GOLM2: variants seen among roughly 807,000 people sequenced by gnomAD.
The protein encoded by GOLM2 is protein GOLM2.
GOLM2 carries 26 observed loss-of-function variants against 55.9 expected under a neutral mutation model. The ratio of observed to expected loss-of-function variants is 0.47; its 90% confidence interval spans 0.34 to 0.65. GOLM2 has a LOEUF of 0.65. Among genes scored for constraint, GOLM2 ranks in the 30% least tolerant of loss-of-function variants. The pLI is 0.01. For synonymous variants in GOLM2, 165 were observed against 194.6 expected (o/e 0.85, Z 1.27); for missense variants, 486 against 531.8 (o/e 0.91, Z 0.85).
intron 6 of GOLM2, among the ~76,000 whole-genome samples, chr15:44,378,221 A>AT (rs947114062): frequency 6.8e-6 from 1 of 148,142 alleles, no homozygotes; most frequent in African/African-American, 2.5e-5. Context: ...GCTAATTTTT[A>AT]TTTTTTTGTA....
chr15:44,295,397 T>C (rs1044164656), intron 1 of GOLM2, among the ~76,000 whole-genome samples: 1 of 152,176 alleles, frequency 6.6e-6, no homozygotes, highest in African/African-American at 2.4e-5. Context: ...GGAAATTCTT[T>C]AAGGGAGCTT....
At chr15:44,347,781 G>C (rs1198724459) in intron 6 of GOLM2, among the ~76,000 whole-genome samples, 1 of 152,090 alleles carries the variant, frequency 6.6e-6, no homozygotes, top group Non-Finnish European at 1.5e-5. Flanking sequence ...AGTGCATCTT[G>C]CCAGTACAAA....
rs185430503 is a variant in GOLM2 at position 44,298,652 on chromosome 15, T to G, written c.327+9296T>G. Among the ~76,000 whole-genome samples, 426 of 152,304 alleles carry G rather than the reference T, an allele frequency of 2.8e-3. 2 individuals are homozygous for G. The highest frequency in any genetic ancestry group is 4.5e-3 in the Non-Finnish European group (305 of 68,022). On this transcript the variant is annotated intron_variant, in intron 1 of 9. Transcript: ENST00000299957. ...ACTTATTTTGTTCATTTTTTACTAA[T>G]AGCTTATTGTTTGTGAACTTCGTTT...
intron 6 of GOLM2, among the ~76,000 whole-genome samples, chr15:44,340,785 G>T (rs1000821575): frequency 8.5e-5 from 13 of 152,136 alleles, no homozygotes; most frequent in African/African-American, 3.1e-4. Flanking sequence ...TTCAGAGCAG[G>T]AACTCTGTAT....
chr15:44,374,583 A>G (rs1017784030), intron 6 of GOLM2, among the ~76,000 whole-genome samples: 1 of 152,200 alleles, frequency 6.6e-6, no homozygotes, highest in Non-Finnish European at 1.5e-5. Context: ...CGGGCTGTAC[A>G]GGCATCTGCT....
intron 2 of GOLM2, among the ~76,000 whole-genome samples, chr15:44,325,938 C>T (rs2078977798): frequency 6.6e-6 from 1 of 152,100 alleles, no homozygotes; most frequent in Admixed American, 6.6e-5. Flanking sequence ...GTAAATCAAC[C>T]ATGTTTACAT....
intron 1 of GOLM2, among the ~76,000 whole-genome samples, chr15:44,309,137 A>G (rs2078857292): frequency 6.6e-6 from 1 of 152,232 alleles, no homozygotes; most frequent in African/African-American, 2.4e-5. Context: ...GGTGAAAGAT[A>G]ACAAATGTTG....
chr15:44,314,471 A>C, intron 1 of GOLM2, among the ~76,000 whole-genome samples: 1 of 151,510 alleles, frequency 6.6e-6, no homozygotes, highest in Non-Finnish European at 1.5e-5. Context: ...AGGTGGGAGA[A>C]TTGCTTGAAC....
chr15:44,369,693 T>TACACACACACAC (rs3986148), intron 6 of GOLM2, among the ~76,000 whole-genome samples: 1,773 of 143,580 alleles, frequency 0.012, 39 homozygotes, highest in African/African-American at 0.044. Context: ...TATATATGCA[T>TACACACACACAC]ACACACACAC....
At chr15:44,377,029 G>A (rs948771065) in intron 6 of GOLM2, among the ~76,000 whole-genome samples, 2 of 152,146 alleles carry the variant, frequency 1.3e-5, no homozygotes, top group African/African-American at 4.8e-5. Flanking sequence ...TCTTATGTCA[G>A]TAAAAGTCTA....
chr15:44,331,709 T>A (rs1286468225), intron 3 of GOLM2, among the ~76,000 whole-genome samples: 1 of 152,238 alleles, frequency 6.6e-6, no homozygotes, highest in Non-Finnish European at 1.5e-5. Context: ...AAGTTTTTTT[T>A]TAATAGATGC....
intron 6 of GOLM2, among the ~76,000 whole-genome samples, chr15:44,377,437 C>G (rs538712634): frequency 6.7e-4 from 102 of 152,284 alleles, no homozygotes; most frequent in African/African-American, 2.3e-3. Flanking sequence ...GTGCCGCGGC[C>G]TTGGCTCATT....
chr15:44,413,615 TATG>T lies in GOLM2; in HGVS notation c.*212_*214del, dbSNP rs2079653401. 1 of 439,826 alleles carries T rather than the reference TATG, an allele frequency of 2.3e-6. No homozygotes were observed. Among genetic ancestry groups the T allele is most frequent in the South Asian group, 4.2e-5 (1 of 23,600 alleles). The allele number at this position is 439,826 out of a possible 1,614,324, so 27.2% of individuals were successfully genotyped here. On this transcript the variant is annotated 3_prime_UTR_variant, in exon 10 of 10. Transcript: ENST00000299957. The stretch of plus-strand genomic sequence containing the variant: ...TTATCAAGGTATAGACTTTTTTGGT[TATG>T]ATACAGTTAAGCCAAAAACAGCTAA...
At chr15:44,411,574 G>T (rs2141222329) in intron 9 of GOLM2, among the ~76,000 whole-genome samples, 1 of 152,230 alleles carries the variant, frequency 6.6e-6, no homozygotes. Context: ...AGGCGCGGTG[G>T]CTTATGCCTG....
intron 1 of GOLM2, among the ~76,000 whole-genome samples, chr15:44,311,468 C>CTT (rs879704600): frequency 1.4e-5 from 2 of 145,758 alleles, no homozygotes; most frequent in Non-Finnish European, 3.0e-5. Flanking sequence ...GATTGCTTTT[C>CTT]TTTTTTTTTT....
chr15:44,323,026 A>T lies in GOLM2; in HGVS notation c.382+7A>T. 1.9e-6 allele frequency: 3 copies of T among 1,555,758 alleles called. No homozygotes were observed. The highest frequency in any genetic ancestry group is 2.6e-6 in the Non-Finnish European group (3 of 1,151,582). ...GACATACATCATTTAAAGGGTAAGA[A>T]CCTTAATTCCAGATTAAAGATAAAC... On this transcript the variant is annotated splice_region_variant and intron_variant, in intron 2 of 9. Coordinates refer to ENST00000299957, the MANE Select transcript of GOLM2 (RefSeq NM_138423.4).
chr15:44,349,299 G>A (rs541096771), intron 6 of GOLM2, among the ~76,000 whole-genome samples: 2 of 148,854 alleles, frequency 1.3e-5, no homozygotes, highest in East Asian at 2.0e-4. Flanking sequence ...TGAAAATAAA[G>A]GGATGAGAAA....
At chr15:44,358,042 A>T (rs1268719897) in intron 6 of GOLM2, among the ~76,000 whole-genome samples, 1 of 152,316 alleles carries the variant, frequency 6.6e-6, no homozygotes, top group East Asian at 1.9e-4. Flanking sequence ...GATATTGACA[A>T]ACTGATTCCA....
intron 6 of GOLM2, among the ~76,000 whole-genome samples, chr15:44,366,378 A>T (rs750187148): frequency 2.2e-4 from 33 of 152,040 alleles, no homozygotes; most frequent in Non-Finnish European, 3.8e-4. Flanking sequence ...GGCCAGGCTC[A>T]TACCTGTAAT....
Sources: allele counts gnomAD v4.1 joint callset (sites outside exome capture counted in the v4.1 genomes callset), GRCh38; gene constraint gnomAD v4.1.1; transcripts MANE v1.5; gene names NCBI Gene and HGNC (gene_info 2026-07-23, HGNC 2026-07-21).